The following TSPAN18 variants were observed in gnomAD, a reference collection of about 807,000 sequenced individuals.
The protein encoded by TSPAN18 is tetraspanin-18.
A neutral mutation model predicts 27.3 loss-of-function variants in TSPAN18; 14 were observed. The ratio of observed to expected loss-of-function variants is 0.51; its 90% confidence interval spans 0.34 to 0.80. The LOEUF is 0.80. TSPAN18 is among the 30% of genes least tolerant of loss of function. The probability of loss-of-function intolerance (pLI) is 0.01; values close to 1 mark genes in which losing one functional copy is unlikely to be tolerated. For missense variants in TSPAN18, 268 were observed against 323.9 expected (o/e 0.83, Z 1.32); for synonymous variants, 143 against 136.5 (o/e 1.05, Z -0.33).
chr11:44,888,631 C>T (rs1858740526), intron 3 of TSPAN18, among the ~76,000 whole-genome samples: 1 of 152,136 alleles, frequency 6.6e-6, no homozygotes, highest in African/African-American at 2.4e-5. Context: ...GGTGTGTGGC[C>T]AGGAGTACCT....
chr11:44,783,651 C>A (rs958153412), intron 2 of TSPAN18, among the ~76,000 whole-genome samples: 4 of 152,212 alleles, frequency 2.6e-5, no homozygotes, highest in African/African-American at 7.2e-5. Context: ...CCTGCCTCAG[C>A]CTCCCAGAGT....
chr11:44,880,383 A>C (rs1185787295), intron 3 of TSPAN18, among the ~76,000 whole-genome samples: 1 of 145,828 alleles, frequency 6.9e-6, no homozygotes, highest in African/African-American at 2.4e-5. Context: ...AAGCTGCATA[A>C]CCCTGGTGAA....
At chr11:44,835,316 G>A (rs1285664087) in intron 2 of TSPAN18, among the ~76,000 whole-genome samples, 1 of 152,204 alleles carries the variant, frequency 6.6e-6, no homozygotes, top group Non-Finnish European at 1.5e-5. Context: ...AGAAAGGTTA[G>A]GACATGAACC....
chr11:44,921,412 G>C (rs1361169913), intron 8 of TSPAN18, among the ~76,000 whole-genome samples: 4 of 152,144 alleles, frequency 2.6e-5, no homozygotes, highest in Non-Finnish European at 5.9e-5. Flanking sequence ...CTTGGGAAGG[G>C]AATGGTTATC....
rs551805352 is a variant in TSPAN18 at position 44,845,006 on chromosome 11, C to T, written c.-152-15322C>T. 2.6e-5 allele frequency among the ~76,000 whole-genome samples: 4 copies of T among 152,288 alleles called. No homozygotes were observed. In the East Asian group the frequency reaches 7.7e-4, roughly 29 times the overall value. ...GTGGTGTTTGGAATTATCCTCAATG[C>T]CAATACTTTAGATGTATGTAATTCT... On this transcript the variant is annotated intron_variant, in intron 2 of 9. Coordinates refer to ENST00000520358, the MANE Select transcript of TSPAN18 (RefSeq NM_130783.5).
At chr11:44,889,553 G>A (rs571037463) in intron 3 of TSPAN18, among the ~76,000 whole-genome samples, 2 of 152,330 alleles carry the variant, frequency 1.3e-5, no homozygotes, top group South Asian at 4.1e-4. Flanking sequence ...CATCCAGTTT[G>A]GGCTGCCTAG....
intron 3 of TSPAN18, among the ~76,000 whole-genome samples, chr11:44,885,705 T>C (rs1157099109): frequency 6.6e-6 from 1 of 152,196 alleles, no homozygotes; most frequent in Non-Finnish European, 1.5e-5. Flanking sequence ...AGCCCCAGGT[T>C]CTCTCTTTGA....
intron 2 of TSPAN18, among the ~76,000 whole-genome samples, chr11:44,828,269 C>T (rs835833): frequency 0.52 from 79,117 of 151,796 alleles, 21,561 homozygotes; most frequent in South Asian, 0.68. Flanking sequence ...ATTCTGATCC[C>T]GAATCCGGTT....
At chr11:44,731,638 G>GAGAGAGAGAT (rs1416167025) in intron 1 of TSPAN18, among the ~76,000 whole-genome samples, 5 of 148,758 alleles carry the variant, frequency 3.4e-5, no homozygotes, top group African/African-American at 1.3e-4. Flanking sequence ...GTGTGTGAGA[G>GAGAGAGAGAT]AGAGAGAGAG....
intron 1 of TSPAN18, among the ~76,000 whole-genome samples, chr11:44,747,688 C>T (rs1442206002): frequency 6.6e-6 from 1 of 152,014 alleles, no homozygotes; most frequent in Admixed American, 6.6e-5. Flanking sequence ...TGTTTCTCCT[C>T]CCCCCTCCCG....
At chr11:44,872,094 T>A (rs1858212318) in intron 3 of TSPAN18, among the ~76,000 whole-genome samples, 2 of 149,440 alleles carry the variant, frequency 1.3e-5, no homozygotes, top group Admixed American at 6.6e-5. Context: ...GCCTGGCTAA[T>A]TTTTTTTTGT....
chr11:44,897,804 T>G (rs1859117380), intron 3 of TSPAN18: 1 of 1,289,322 alleles, frequency 7.8e-7, no homozygotes, highest in Admixed American at 2.3e-5. Context: ...GAGTCTGTCC[T>G]GCTGATGCCC....
rs549227440 is a variant in TSPAN18 at position 44,888,559 on chromosome 11, C to T, written c.-10-17848C>T. Among the ~76,000 whole-genome samples the T allele has an allele frequency of 5.3e-5, 8 of 152,282 alleles. No individual in the cohort carries two copies. In the East Asian group the frequency reaches 9.6e-4, roughly 18 times the overall value. The stretch of plus-strand genomic sequence containing the variant: ...TCTGGTAGAGAAGGTTCAACAGCAG[C>T]GAGTCCAGAGTCACCTTTCCCTGGG... On this transcript the variant is annotated intron_variant, in intron 3 of 9. Coordinates refer to ENST00000520358, the MANE Select transcript of TSPAN18 (RefSeq NM_130783.5).
chr11:44,737,555 TA>T (rs1173132169), intron 1 of TSPAN18, among the ~76,000 whole-genome samples: 1 of 152,210 alleles, frequency 6.6e-6, no homozygotes, highest in African/African-American at 2.4e-5. Flanking sequence ...ATAGGCAAGT[TA>T]ACTCTAAAGT....
Position 44,919,993 on chromosome 11 carries a change from C to T in TSPAN18, c.609C>T (p.Asn203=). 1 of 1,613,268 alleles carries T rather than the reference C, an allele frequency of 6.2e-7. No homozygotes were observed. The highest frequency in any genetic ancestry group is 1.1e-5 in the South Asian group (1 of 91,054). The change falls in exon 8 of 10, where the codon AAC becomes AAT. Residue 203 remains asparagine (N), a synonymous_variant. Transcript: ENST00000520358. ...ECLLGRSLFL[N]KQGCYTVILN... is the part of the protein sequence containing the mutation. ...TCCTGGGAAGGAGCCTATTCCTAAA[C>T]AAGCAGGTACTGGCCCTGCTCTCCA...
intron 2 of TSPAN18, among the ~76,000 whole-genome samples, chr11:44,797,473 G>C (rs772220561): frequency 6.6e-6 from 1 of 152,120 alleles, no homozygotes; most frequent in African/African-American, 2.4e-5. Flanking sequence ...CTTTCTGAGC[G>C]ATGTGAGGGA....
intron 3 of TSPAN18, among the ~76,000 whole-genome samples, chr11:44,882,627 C>CACACACACACACACACACACAGAG (rs375349718): frequency 1.3e-3 from 165 of 130,656 alleles, no homozygotes; most frequent in Non-Finnish European, 2.2e-3. Flanking sequence ...CACACACACA[C>CACACACACACACACACACACAGAG]AGAGAGAGAG....
intron 1 of TSPAN18, among the ~76,000 whole-genome samples, chr11:44,730,833 T>C (rs1005791038): frequency 8.0e-5 from 6 of 75,232 alleles, no homozygotes; most frequent in Non-Finnish European, 2.6e-4. Context: ...ACCATGTTGG[T>C]CAGGCTGGTC....
At chr11:44,741,447 A>ATATGTGTGTGTGTGTG (rs59390988) in intron 1 of TSPAN18, among the ~76,000 whole-genome samples, 3,068 of 147,452 alleles carry the variant, frequency 0.021, 44 homozygotes, top group East Asian at 0.064. Flanking sequence ...TCAGACATGT[A>ATATGTGTGTGTGTGTG]TGTGTGTGTG....
Sources: gnomAD v4.1 joint callset for allele counts (sites outside exome capture counted in the v4.1 genomes callset) on GRCh38, gnomAD v4.1.1 for gene constraint, MANE v1.5 for transcripts, NCBI Gene and HGNC (gene_info 2026-07-23, HGNC 2026-07-21) for gene names.